The following NUB1 variants were observed in gnomAD, a reference collection of about 807,000 sequenced individuals.
The protein encoded by NUB1 is negative regulator of ubiquitin like proteins 1.
A neutral mutation model predicts 77.1 loss-of-function variants in NUB1; 41 were observed. That is an observed-to-expected ratio of 0.53 (90% CI 0.41 to 0.69). NUB1 has a LOEUF of 0.69. Ranked by LOEUF, NUB1 falls within the 30% of genes least tolerant of loss-of-function variation. NUB1 has a pLI of 0.00. For missense variants in NUB1, 643 were observed against 743.8 expected (o/e 0.86, Z 1.58); for synonymous variants, 257 against 281.0 (o/e 0.91, Z 0.85).
intron 1 of NUB1, 34 bp from the exon 2 acceptor site, chr7:151,345,314 G>A (rs1302929870): frequency 1.5e-6 from 2 of 1,340,106 alleles, no homozygotes; most frequent in South Asian, 1.2e-5. Context: ...AAAATGCGAT[G>A]TGGAGTTTTA....
rs149804762 is a variant in NUB1, at chr7:151,349,895, T to TACCACC, written c.285+656_285+661dup. On this transcript the variant is annotated intron_variant, in intron 3 of 14. Transcript: ENST00000568733. The stretch of plus-strand genomic sequence containing the variant: ...AAGACAGTTGGGCCCGGAGGACCAC[T>TACCACC]ACCACCTAGACGCGGAAACCGGTAG... Among the ~76,000 whole-genome samples, 1,347 of 152,340 alleles carry TACCACC rather than the reference T, an allele frequency of 8.8e-3. 21 individuals are homozygous for TACCACC. The highest frequency in any genetic ancestry group is 0.031 in the African/African-American group (1,284 of 41,572).
At chr7:151,348,990 G>A (rs1796658383) in intron 2 of NUB1, 83 bp from the exon 3 acceptor site, 1 of 1,261,536 alleles carries the variant, frequency 7.9e-7, no homozygotes, top group South Asian at 1.3e-5. Flanking sequence ...AGAGTTGATG[G>A]CCTTAGAGTC....
intron 11 of NUB1, among the ~76,000 whole-genome samples, chr7:151,373,179 C>A (rs2150717534): frequency 6.6e-6 from 1 of 152,304 alleles, no homozygotes; most frequent in South Asian, 2.1e-4. Flanking sequence ...CCCGTCCTCG[C>A]TGCTGCTGAT....
At position 151,349,096 on chromosome 7, in the gene NUB1, C is replaced by T. The variant is rs1288036692; in HGVS notation, c.141C>T (p.Asp47=). ...ALKDLAKQYS[D]RLECCENEVE... is the part of the protein sequence containing the mutation. ...AGGACCTTGCTAAGCAGTACTCTGA[C>T]AGACTAGAATGCTGTGAAAATGAAG... Residue 47 remains aspartate (D), a synonymous_variant, in exon 3 of 15, where the codon GAC becomes GAT. Coordinates refer to ENST00000568733, the MANE Select transcript of NUB1 (RefSeq NM_001243351.2). 2 of 1,612,524 alleles carry T rather than the reference C, an allele frequency of 1.2e-6. No individual in the cohort carries two copies. The highest frequency in any genetic ancestry group is 2.2e-5 in the South Asian group (2 of 91,004).
In NUB1 at chr7:151,349,495, C is replaced by T. The variant is rs371101574; in HGVS notation, c.285+255C>T. On this transcript the variant is annotated intron_variant, in intron 3 of 14. Transcript: ENST00000568733. Reference sequence around the variant, plus strand: ...TATGTCACATTCTGATCCTTTCTAGCGTGTGAACGTTGAGAAATAATGGGG... The same window carrying T: ...TATGTCACATTCTGATCCTTTCTAGTGTGTGAACGTTGAGAAATAATGGGG... Among the ~76,000 whole-genome samples, 10 of 152,304 alleles carry T rather than the reference C, an allele frequency of 6.6e-5. No individual in the cohort carries two copies. The East Asian group carries it at 1.3e-3, about 21-fold the overall frequency.
At position 151,376,677 on chromosome 7, in the gene NUB1, T is replaced by C; in HGVS notation, c.1535T>C (p.Leu512Pro). The change falls in exon 14 of 15, where the codon CTG becomes CCG. Residue 512 changes from leucine to proline, a missense_variant. Coordinates refer to ENST00000568733, the MANE Select transcript of NUB1 (RefSeq NM_001243351.2). ...GATGCACTCGTGGCCGAAGCTGCGC[T>C]GAGAGTGTTCAGAGGCAACGTCCAG... The part of the protein sequence containing the change: ...GFDALVAEAA[L>P]RVFRGNVQLA... The C allele has an allele frequency of 1.2e-6, 2 of 1,611,596 alleles. No homozygotes were observed. Among genetic ancestry groups the C allele is most frequent in the South Asian group, 1.1e-5 (1 of 90,522 alleles).
At position 151,378,185 on chromosome 7, in the gene NUB1, T is replaced by C. The variant is rs1288131834; in HGVS notation, c.*960T>C. On this transcript the variant is annotated 3_prime_UTR_variant, in exon 15 of 15. Coordinates refer to ENST00000568733, the MANE Select transcript of NUB1 (RefSeq NM_001243351.2). ...ACTGCGCCACGCACTCCTCTGTAGATGTGTGCCCAGTGGGAGTTCCTTCCA... is the reference window on the plus strand; with the variant it reads ...ACTGCGCCACGCACTCCTCTGTAGACGTGTGCCCAGTGGGAGTTCCTTCCA... 2 of 152,230 alleles carry C rather than the reference T, an allele frequency of 1.3e-5. No homozygotes were observed. The highest frequency in any genetic ancestry group is 4.8e-5 in the African/African-American group (2 of 41,446). The allele number at this position is 152,230 out of a possible 1,614,324, so 9.4% of individuals were successfully genotyped here. A position where few individuals can be genotyped will look rare whatever the true frequency, so the allele number is the denominator to read the frequency against.
chr7:151,376,920 C>T (rs1563034188), intron 14 of NUB1, 109 bp downstream of exon 14: 11 of 1,429,798 alleles, frequency 7.7e-6, no homozygotes, highest in Admixed American at 4.9e-5. Context: ...CGTCCCCTGA[C>T]GTCACCGGGC....
At chr7:151,364,076 G>T (rs933580856) in intron 8 of NUB1, among the ~76,000 whole-genome samples, 5 of 150,422 alleles carry the variant, frequency 3.3e-5, no homozygotes, top group Admixed American at 3.3e-4. Context: ...TTACAGGTGT[G>T]AGCCACCGCG....
chr7:151,360,932 G>A lies in NUB1; in HGVS notation c.800+685G>A, dbSNP rs1218510548. 7.5e-5 allele frequency: 2 copies of A among 26,540 alleles called. 1 individual carries two copies. Among genetic ancestry groups the A allele is most frequent in the Non-Finnish European group, 3.4e-4 (2 of 5,932 alleles). The allele number at this position is 26,540 out of a possible 1,614,324, so 1.6% of individuals were successfully genotyped here. A position where few individuals can be genotyped will look rare whatever the true frequency, so the allele number is the denominator to read the frequency against. On this transcript the variant is annotated intron_variant, in intron 8 of 14. Coordinates refer to ENST00000568733, the MANE Select transcript of NUB1 (RefSeq NM_001243351.2). Reference sequence around the variant, plus strand: ...TATTACAGGTGTGAGTCGCTGTGTCGGCTTTTTTTTTTTTTTTTTTTTTTT... The same window carrying A: ...TATTACAGGTGTGAGTCGCTGTGTCAGCTTTTTTTTTTTTTTTTTTTTTTT...
intron 4 of NUB1, 110 bp from the exon 5 acceptor site, chr7:151,352,702 C>T (rs77721119): frequency 2.9e-6 from 2 of 687,614 alleles, no homozygotes; most frequent in Non-Finnish European, 5.1e-6. Flanking sequence ...CTTGGCCTCC[C>T]AGGGTGTTGG....
At chr7:151,360,111 G>A in intron 7 of NUB1, 30 bp from the exon 8 acceptor site, 2 of 1,053,000 alleles carry the variant, frequency 1.9e-6, no homozygotes, top group South Asian at 2.9e-5. Flanking sequence ...ATTTTAAAGT[G>A]ATGTTTTTTA....
intron 2 of NUB1, among the ~76,000 whole-genome samples, chr7:151,348,865 G>A (rs1415987000): frequency 1.3e-5 from 2 of 152,044 alleles, no homozygotes; most frequent in East Asian, 1.9e-4. Flanking sequence ...ATGAGCCACC[G>A]CGCCCAGTCT....
intron 3 of NUB1, 47 bp downstream of exon 3, chr7:151,349,287 G>T: frequency 6.9e-7 from 1 of 1,445,742 alleles, no homozygotes; most frequent in South Asian, 1.2e-5. Flanking sequence ...TCCAGTTAGT[G>T]ATGAGGTCAA....
At chr7:151,355,232 A>G (rs1194730345) in intron 5 of NUB1, among the ~76,000 whole-genome samples, 2 of 152,238 alleles carry the variant, frequency 1.3e-5, no homozygotes, top group Admixed American at 6.5e-5. Context: ...ATCTGGTCTT[A>G]GGCTGAGAAT....
chr7:151,369,994 G>A (rs1797883983), intron 11 of NUB1, among the ~76,000 whole-genome samples: 1 of 152,134 alleles, frequency 6.6e-6, no homozygotes, highest in African/African-American at 2.4e-5. Flanking sequence ...AACACCAGCT[G>A]TGGTCATTAC....
At chr7:151,347,858 T>C (rs1453701156) in intron 2 of NUB1, among the ~76,000 whole-genome samples, 2 of 152,386 alleles carry the variant, frequency 1.3e-5, no homozygotes, top group Middle Eastern at 3.4e-3. Context: ...TACTACATGG[T>C]ATTACATTAT....
intron 1 of NUB1, among the ~76,000 whole-genome samples, chr7:151,344,829 G>T (rs1424647589): frequency 6.6e-6 from 1 of 151,954 alleles, no homozygotes; most frequent in South Asian, 2.1e-4. Context: ...GCGAAACCCC[G>T]TCTCTACTAA....
chr7:151,362,719 T>G (rs947180184), intron 8 of NUB1, among the ~76,000 whole-genome samples: 2 of 152,186 alleles, frequency 1.3e-5, no homozygotes, highest in Non-Finnish European at 2.9e-5. Context: ...AGGAGCAAGC[T>G]GCCAGAGAGA....
Sources: gnomAD v4.1 joint callset for allele counts (sites outside exome capture counted in the v4.1 genomes callset) on GRCh38, gnomAD v4.1.1 for gene constraint, MANE v1.5 for transcripts, NCBI Gene and HGNC (gene_info 2026-07-23, HGNC 2026-07-21) for gene names.